Variants in CFAP43 observed in about 807,000 individuals in gnomAD.
CFAP43 encodes the protein cilia and flagella associated protein 43.
Under a neutral mutation model 218.9 loss-of-function variants are expected in CFAP43, and 155 were observed. The observed-to-expected ratio is 0.71, with a 90% CI of 0.62 to 0.81. The LOEUF (loss-of-function observed/expected upper bound fraction) is 0.81. CFAP43 is among the 30% of genes least tolerant of loss of function. The pLI is 0.00. For missense variants in CFAP43, 1,778 were observed against 1,954.3 expected, an observed-to-expected ratio of 0.91 and a Z score of 1.70; for synonymous variants, 645 against 681.3, an observed-to-expected ratio of 0.95 and a Z score of 0.83.
chr10:104,229,417 C>T (rs577048743), intron 2 of CFAP43, among the ~76,000 whole-genome samples: 1 of 147,876 alleles, frequency 6.8e-6, no homozygotes, highest in East Asian at 2.1e-4. Context: ...CTTTGGGAGG[C>T]GGAGGTGGGT....
chr10:104,220,096 GGAGA>G, intron 3 of CFAP43, among the ~76,000 whole-genome samples: 1 of 152,318 alleles, frequency 6.6e-6, no homozygotes, highest in Non-Finnish European at 1.5e-5. Context: ...GGGAACATTT[GGAGA>G]CAGACACACA....
chr10:104,167,766 AATCCAT>A, intron 21 of CFAP43, 29 bp from the exon 22 acceptor site: 1 of 1,546,178 alleles, frequency 6.5e-7, no homozygotes, highest in Non-Finnish European at 8.8e-7. Flanking sequence ...AGACAAAATA[AATCCAT>A]TTGTAGTATA....
intron 4 of CFAP43, among the ~76,000 whole-genome samples, chr10:104,213,010 T>C (rs1349159006): frequency 1.3e-5 from 2 of 152,204 alleles, no homozygotes; most frequent in African/African-American, 4.8e-5. Flanking sequence ...AGTAGAACGT[T>C]TGAGGGAGGC....
chr10:104,146,706 G>A (rs968821087), intron 29 of CFAP43, among the ~76,000 whole-genome samples: 1 of 152,134 alleles, frequency 6.6e-6, no homozygotes, highest in Non-Finnish European at 1.5e-5. Context: ...CAGACCATAT[G>A]TAACAACAGA....
intron 6 of CFAP43, among the ~76,000 whole-genome samples, chr10:104,206,942 G>A (rs938635689): frequency 6.6e-6 from 1 of 152,206 alleles, no homozygotes; most frequent in Non-Finnish European, 1.5e-5. Context: ...GGGAGGCCAA[G>A]GCAGGCAGAT....
chr10:104,133,602 G>A lies in CFAP43; in HGVS notation c.4596+18C>T. The A allele has an allele frequency of 6.2e-7, 1 of 1,607,010 alleles. No homozygotes were observed. The highest frequency in any genetic ancestry group is 8.5e-7 in the Non-Finnish European group (1 of 1,177,344). The stretch of plus-strand genomic sequence containing the variant: ...ATGAATAAAATTAAAACTATGTAGG[G>A]GGGTAGGGAGAATTTACCTTTTGAC... On this transcript the variant is annotated intron_variant, in intron 35 of 37. Transcript: ENST00000357060.
At chr10:104,156,163 T>C (rs958706787) in intron 27 of CFAP43, among the ~76,000 whole-genome samples, 1 of 151,740 alleles carries the variant, frequency 6.6e-6, no homozygotes, top group Non-Finnish European at 1.5e-5. Context: ...AGGTGGAAAT[T>C]AGGGGGTCAT....
rs369682196 is a variant in CFAP43, at chr10:104,146,319, T to G, written c.3799A>C (p.Arg1267=). 1 of 1,613,794 alleles carries G rather than the reference T, an allele frequency of 6.2e-7. No homozygotes were observed. Among genetic ancestry groups the G allele is most frequent in the Non-Finnish European group, 8.5e-7 (1 of 1,179,726 alleles). Residue 1267 remains arginine, a synonymous_variant, in exon 30 of 38, where the codon AGA becomes CGA. Coordinates refer to ENST00000357060, the MANE Select transcript of CFAP43 (RefSeq NM_025145.7). ...SQTSEAVRKS[R]EDLDVCKEHY... The stretch of plus-strand genomic sequence containing the variant: ...TCCTTGCACACATCCAGGTCTTCTC[T>G]AGATTTCCGAACAGCTTCTGAAGTC...
In CFAP43 at chr10:104,182,434, T is replaced by G. The variant is rs148333560; in HGVS notation, c.2221A>C (p.Lys741Gln). The part of the protein sequence containing the change: ...LLISLSSAMD[K>Q]ENHYLSTTPK... ...GTTGTGCTTAAATAATGATTCTCCT[T>G]GTCCATGGCGCTGCTCAGGGAAATT... The change falls in exon 17 of 38, where the codon AAG becomes CAG. Residue 741 changes from lysine to glutamine, a missense_variant. Coordinates refer to ENST00000357060, the MANE Select transcript of CFAP43 (RefSeq NM_025145.7). 3.0e-5 allele frequency: 48 copies of G among 1,612,748 alleles called. 2 individuals carry two copies. In the African/African-American group the frequency reaches 5.3e-4, roughly 18 times the overall value.
In CFAP43 at chr10:104,168,333, G is replaced by A. The variant is rs557112012; in HGVS notation, c.2691+411C>T. On this transcript the variant is annotated intron_variant, in intron 21 of 37. Transcript: ENST00000357060. Reference sequence around the variant, plus strand: ...GAGACTTTTGGTCACCCTACACAAAGAGGGAAATTACATTGGAGGGAATCT... The same window carrying A: ...GAGACTTTTGGTCACCCTACACAAAAAGGGAAATTACATTGGAGGGAATCT... Among the ~76,000 whole-genome samples, 11 of 152,316 alleles carry A rather than the reference G, an allele frequency of 7.2e-5. No homozygotes were observed. The South Asian group carries it at 1.0e-3, about 14-fold the overall frequency.
chr10:104,194,463 G>A (rs1230340775), intron 10 of CFAP43, among the ~76,000 whole-genome samples: 1 of 151,826 alleles, frequency 6.6e-6, no homozygotes, highest in African/African-American at 2.4e-5. Flanking sequence ...TTGAACTACT[G>A]GGCTCAAGTG....
chr10:104,164,397 A>C, intron 23 of CFAP43, 97 bp from the exon 24 acceptor site: 1 of 1,052,554 alleles, frequency 9.5e-7, no homozygotes, highest in Non-Finnish European at 1.3e-6. Context: ...ATCATTCCAC[A>C]AATTTTTTTT....
intron 28 of CFAP43, among the ~76,000 whole-genome samples, chr10:104,150,435 G>A (rs1376302818): frequency 6.6e-6 from 1 of 152,162 alleles, no homozygotes; most frequent in Non-Finnish European, 1.5e-5. Flanking sequence ...AGATGGTACT[G>A]GCCTCCCATT....
chr10:104,210,523 T>G (rs1050395191), intron 5 of CFAP43, among the ~76,000 whole-genome samples: 7 of 152,126 alleles, frequency 4.6e-5, no homozygotes, highest in Non-Finnish European at 7.4e-5. Flanking sequence ...TCTGCCATCA[T>G]GCCCAGCTAA....
chr10:104,169,041 C>G (rs1171969058), intron 20 of CFAP43, among the ~76,000 whole-genome samples, 193 bp from the exon 21 acceptor site: 1 of 152,120 alleles, frequency 6.6e-6, no homozygotes, highest in African/African-American at 2.4e-5. Flanking sequence ...GAGAACGTCT[C>G]CTGAAGTTTG....
At chr10:104,136,680 T>C (rs2087468149) in intron 34 of CFAP43, among the ~76,000 whole-genome samples, 1 of 152,106 alleles carries the variant, frequency 6.6e-6, no homozygotes, top group Non-Finnish European at 1.5e-5. Context: ...TTCTTAGATT[T>C]AACACCAAAA....
intron 7 of CFAP43, 28 bp from the exon 8 acceptor site, chr10:104,203,831 A>G: frequency 1.3e-6 from 2 of 1,573,154 alleles, no homozygotes; most frequent in Non-Finnish European, 1.7e-6. Flanking sequence ...AAACATAGAA[A>G]ATCAGTCTTA....
chr10:104,214,509 T>A (rs1408395124), intron 3 of CFAP43, 83 bp from the exon 4 acceptor site: 5 of 1,160,662 alleles, frequency 4.3e-6, no homozygotes, highest in Non-Finnish European at 4.7e-6. Context: ...TTAATTTACA[T>A]AAATTGGGAT....
chr10:104,178,844 G>C (rs1341703611), intron 19 of CFAP43, among the ~76,000 whole-genome samples, 185 bp downstream of exon 19: 1 of 152,080 alleles, frequency 6.6e-6, no homozygotes, highest in African/African-American at 2.4e-5. Context: ...GGGAAGATGG[G>C]GAAAACCGCT....
Sources: allele counts gnomAD v4.1 joint callset (sites outside exome capture counted in the v4.1 genomes callset), GRCh38; gene constraint gnomAD v4.1.1; transcripts MANE v1.5; gene names NCBI Gene and HGNC (gene_info 2026-07-23, HGNC 2026-07-21).